NELL2: variants seen among roughly 807,000 people sequenced by gnomAD.
The protein encoded by NELL2 is neural EGFL like 2.
In NELL2, 41 loss-of-function variants were observed where a neutral mutation model predicts 109.6. The observed-to-expected ratio is 0.37, with a 90% CI of 0.29 to 0.49. NELL2 has a LOEUF of 0.49. Among genes scored for constraint, NELL2 ranks in the 20% least tolerant of loss-of-function variants. NELL2 has a pLI of 0.98. For missense variants in NELL2, 900 were observed against 1,008.3 expected (o/e 0.89, Z 1.45); for synonymous variants, 355 against 344.7 (o/e 1.03, Z -0.33).
intron 12 of NELL2, among the ~76,000 whole-genome samples, chr12:44,696,704 C>T (rs1198373347): frequency 6.6e-6 from 1 of 152,148 alleles, no homozygotes; most frequent in African/African-American, 2.4e-5. Flanking sequence ...AAACTCAGTG[C>T]TTGCCCTGAG....
chr12:44,739,221 A>G (rs73285442), intron 9 of NELL2, among the ~76,000 whole-genome samples: 8,110 of 152,162 alleles, frequency 0.053, 680 homozygotes, highest in African/African-American at 0.18. Flanking sequence ...GTGTGTGTGT[A>G]TGTATGTATC....
intron 12 of NELL2, among the ~76,000 whole-genome samples, chr12:44,698,814 C>T (rs573812773): frequency 6.6e-6 from 1 of 152,248 alleles, no homozygotes; most frequent in Non-Finnish European, 1.5e-5. Context: ...CAGGACTCTT[C>T]CTGTTCTTGG....
chr12:44,666,275 A>G (rs1947923128), intron 12 of NELL2, among the ~76,000 whole-genome samples: 1 of 152,218 alleles, frequency 6.6e-6, no homozygotes, highest in Non-Finnish European at 1.5e-5. Flanking sequence ...ATGCTAACCC[A>G]TAAGAAGCAC....
At chr12:44,640,577 A>T (rs1040448866) in intron 13 of NELL2, among the ~76,000 whole-genome samples, 15 of 150,848 alleles carry the variant, frequency 9.9e-5, no homozygotes, top group African/African-American at 3.7e-4. Context: ...TAGATATCTT[A>T]TGCTGACATT....
intron 1 of NELL2, among the ~76,000 whole-genome samples, chr12:44,886,886 C>T (rs1296141466): frequency 6.6e-6 from 1 of 151,826 alleles, no homozygotes. Context: ...TTTTTTTTAG[C>T]TCCCATATAT....
chr12:44,631,948 A>G (rs1379258834), intron 13 of NELL2, among the ~76,000 whole-genome samples: 1 of 152,154 alleles, frequency 6.6e-6, no homozygotes, highest in Non-Finnish European at 1.5e-5. Context: ...AATCAAATTT[A>G]ACGGTATATA....
rs980518656 is a variant in NELL2, at chr12:44,770,722, G to A, written c.994+4025C>T. 4.6e-5 allele frequency among the ~76,000 whole-genome samples: 7 copies of A among 152,124 alleles called. No individual in the cohort carries two copies. The East Asian group carries it at 1.2e-3, about 25-fold the overall frequency. On this transcript the variant is annotated intron_variant, in intron 9 of 19. Transcript: ENST00000429094. ...GTTGCTACTAGGCAAATACCAACCA[G>A]TTCTGATGGTCACATTCACATTCCC...
At chr12:44,562,646 T>C (rs937425274) in intron 15 of NELL2, among the ~76,000 whole-genome samples, 2 of 152,174 alleles carry the variant, frequency 1.3e-5, no homozygotes, top group African/African-American at 2.4e-5. Flanking sequence ...AGAATGGCAA[T>C]CACTAAAAAG....
chr12:44,839,683 T>G (rs1385864608), intron 2 of NELL2, among the ~76,000 whole-genome samples: 2 of 152,238 alleles, frequency 1.3e-5, no homozygotes, highest in African/African-American at 4.8e-5. Flanking sequence ...AGTGTTCGCT[T>G]GAGGGCTATC....
chr12:44,727,843 C>T (rs73278144), intron 9 of NELL2, among the ~76,000 whole-genome samples: 11,316 of 152,026 alleles, frequency 0.074, 1,365 homozygotes, highest in African/African-American at 0.25. Flanking sequence ...CTCACAATAA[C>T]AAATAATCAA....
intron 3 of NELL2, among the ~76,000 whole-genome samples, chr12:44,808,714 T>C (rs1281753633): frequency 2.6e-5 from 4 of 151,992 alleles, no homozygotes; most frequent in Non-Finnish European, 4.4e-5. Context: ...CAAGCAAATA[T>C]TGCCAGCAAG....
At chr12:44,787,904 G>T (rs545680861) in intron 3 of NELL2, among the ~76,000 whole-genome samples, 1 of 152,126 alleles carries the variant, frequency 6.6e-6, no homozygotes, top group Non-Finnish European at 1.5e-5. Flanking sequence ...TACACAATGA[G>T]TTCTTAGAGT....
chr12:44,915,455 C>T (rs1945821846), upstream of NELL2, among the ~76,000 whole-genome samples: 1 of 152,078 alleles, frequency 6.6e-6, no homozygotes, highest in Admixed American at 6.5e-5. Context: ...CTTCTGTTTA[C>T]CATCAGATCT....
At chr12:44,775,210 C>T (rs1458192241) in intron 8 of NELL2, among the ~76,000 whole-genome samples, 1 of 146,390 alleles carries the variant, frequency 6.8e-6, no homozygotes, top group Non-Finnish European at 1.5e-5. Flanking sequence ...GTATCATGCA[C>T]ACGAACATGC....
At position 44,894,670 on chromosome 12, in the gene NELL2, A is replaced by C. The variant is rs1182435493; in HGVS notation, c.39-18770T>G. Among the ~76,000 whole-genome samples, 3 of 152,336 alleles carry C rather than the reference A, an allele frequency of 2.0e-5. No homozygotes were observed. In the East Asian group the frequency reaches 5.8e-4, roughly 29 times the overall value. ...ACAGATGTGCAATGTCAACATCATA[A>C]ATTATCTCATCCATAATTTTTGTTC... is the stretch of plus-strand genomic sequence containing the variant. On this transcript the variant is annotated intron_variant, in intron 1 of 20. Transcript: ENST00000333837.
Position 44,875,283 on chromosome 12 carries a change from C to A in NELL2, c.126G>T (p.Thr42=), listed in dbSNP as rs1487512608. The change falls in exon 2 of 20, where the codon ACG becomes ACT. Residue 42 remains threonine (T), a synonymous_variant. Coordinates refer to ENST00000429094, the MANE Select transcript of NELL2 (RefSeq NM_001145108.2). ...VLTELELGES[T]TGVRQVPGLH... is the part of the protein sequence containing the mutation. ...GCCCCGGGACCTGACGCACTCCGGT[C>A]GTGGACTCCCCAAGTTCTAACTCTG... The A allele has an allele frequency of 6.2e-7, 1 of 1,614,114 alleles. No individual in the cohort carries two copies. The highest frequency in any genetic ancestry group is 1.1e-5 in the South Asian group (1 of 91,066).
chr12:44,905,444 G>A (rs548515035), intron 1 of NELL2, among the ~76,000 whole-genome samples: 7 of 151,862 alleles, frequency 4.6e-5, no homozygotes, highest in Admixed American at 3.3e-4. Flanking sequence ...TACATGAGAC[G>A]ACTCTAATTT....
At chr12:44,866,630 C>A (rs1241381313) in intron 2 of NELL2, among the ~76,000 whole-genome samples, 2 of 151,560 alleles carry the variant, frequency 1.3e-5, no homozygotes, top group East Asian at 3.9e-4. Flanking sequence ...TAATAAAGAT[C>A]AGAGCAGAAA....
At chr12:44,842,401 C>T (rs1038525289) in intron 2 of NELL2, among the ~76,000 whole-genome samples, 4 of 152,058 alleles carry the variant, frequency 2.6e-5, no homozygotes, top group Admixed American at 2.0e-4. Flanking sequence ...AGAAAAAAAT[C>T]ATCCTTGGAT....
Sources: gnomAD v4.1 joint callset for allele counts (sites outside exome capture counted in the v4.1 genomes callset) on GRCh38, gnomAD v4.1.1 for gene constraint, MANE v1.5 for transcripts, NCBI Gene and HGNC (gene_info 2026-07-23, HGNC 2026-07-21) for gene names.